Variants in TENM2 observed in about 807,000 individuals in gnomAD.
TENM2 encodes teneurin-2.
Under a neutral mutation model 245.2 loss-of-function variants are expected in TENM2, and 52 were observed. That is an observed-to-expected ratio of 0.21 (90% CI 0.17 to 0.27). The LOEUF is 0.27. Among genes scored for constraint, TENM2 ranks in the 10% least tolerant of loss-of-function variants. The pLI, the probability that TENM2 is intolerant of heterozygous loss-of-function variation, is 1.00. For missense variants in TENM2, 3,046 were observed against 3,666.8 expected (o/e 0.83, Z 4.37); for synonymous variants, 1,363 against 1,438.9 (o/e 0.95, Z 1.19).
At chr5:167,245,924 C>T in the TENM2 span, among the ~76,000 whole-genome samples, 4 of 152,108 alleles carry the variant, frequency 2.6e-5, no homozygotes, top group African/African-American at 9.7e-5. Context: ...AACTTCTACC[C>T]CTCCCACTAA....
chr5:168,078,824 T>G (rs1791712170), intron 7 of TENM2, among the ~76,000 whole-genome samples: 1 of 152,226 alleles, frequency 6.6e-6, no homozygotes, highest in Admixed American at 6.5e-5. Flanking sequence ...GCTGTTTTGA[T>G]TACTGTAGCC....
chr5:167,527,104 A>G (rs1272976209), intron 2 of TENM2, among the ~76,000 whole-genome samples: 2 of 152,082 alleles, frequency 1.3e-5, no homozygotes, highest in Non-Finnish European at 2.9e-5. Context: ...CTACTCACCT[A>G]TATCGCCATG....
intron 1 of TENM2, among the ~76,000 whole-genome samples, chr5:167,363,684 T>C (rs1162954875): frequency 7.7e-6 from 1 of 130,346 alleles, no homozygotes; most frequent in African/African-American, 2.9e-5. Context: ...TGAGACGAGA[T>C]TGGGCCATTG....
chr5:167,503,276 A>G (rs1233908854), intron 2 of TENM2, among the ~76,000 whole-genome samples: 1 of 152,220 alleles, frequency 6.6e-6, no homozygotes, highest in Non-Finnish European at 1.5e-5. Context: ...AAGCACATAA[A>G]GAAAAGCCAT....
At chr5:167,009,782 C>T in the TENM2 span, among the ~76,000 whole-genome samples, 1 of 152,072 alleles carries the variant, frequency 6.6e-6, no homozygotes, top group African/African-American at 2.4e-5. Flanking sequence ...TGCAATTGCA[C>T]TTCTGAAATG....
the TENM2 span, among the ~76,000 whole-genome samples, chr5:167,263,364 G>A: frequency 6.6e-6 from 1 of 152,000 alleles, no homozygotes; most frequent in Admixed American, 6.5e-5. Context: ...TTCACAGATA[G>A]TAAACAGAAT....
chr5:167,939,842 A>G (rs1779033464), intron 3 of TENM2, among the ~76,000 whole-genome samples: 1 of 152,226 alleles, frequency 6.6e-6, no homozygotes. Context: ...GTTGAGTCAG[A>G]AGCCTTTAGC....
intron 13 of TENM2, among the ~76,000 whole-genome samples, chr5:168,176,232 C>T (rs931342190): frequency 6.6e-6 from 1 of 152,212 alleles, no homozygotes; most frequent in Admixed American, 6.5e-5. Flanking sequence ...CTGCTCAAGC[C>T]TTGCCAGGGC....
intron 2 of TENM2, chr5:167,755,240 C>CAGTGAGGACAGGTG: frequency 1.1e-5 from 16 of 1,417,208 alleles, no homozygotes; most frequent in African/African-American, 1.4e-5. Flanking sequence ...AAGCACCTGT[C>CAGTGAGGACAGGTG]CTCACTGACA....
the TENM2 span, among the ~76,000 whole-genome samples, chr5:167,006,477 T>A: frequency 2.0e-5 from 3 of 152,298 alleles, no homozygotes; most frequent in South Asian, 4.1e-4. Context: ...AAGAAACTTT[T>A]AAAATCAGCC....
intron 4 of TENM2, among the ~76,000 whole-genome samples, chr5:167,974,757 T>G (rs1782308703): frequency 6.6e-6 from 1 of 152,170 alleles, no homozygotes; most frequent in South Asian, 2.1e-4. Flanking sequence ...AGTTTCCTTA[T>G]TAACCATCGC....
intron 4 of TENM2, among the ~76,000 whole-genome samples, chr5:167,979,592 A>G (rs2151962119): frequency 6.6e-6 from 1 of 152,328 alleles, no homozygotes; most frequent in South Asian, 2.1e-4. Flanking sequence ...GAGCATCCCT[A>G]TAGAAACTCT....
intron 1 of TENM2, among the ~76,000 whole-genome samples, chr5:167,339,975 C>T (rs1241886725): frequency 6.6e-6 from 1 of 152,120 alleles, no homozygotes; most frequent in Non-Finnish European, 1.5e-5. Flanking sequence ...TATAAATTAC[C>T]CAGGCTCAGG....
At chr5:167,266,028 A>C in the TENM2 span, among the ~76,000 whole-genome samples, 1 of 152,168 alleles carries the variant, frequency 6.6e-6, no homozygotes, top group Non-Finnish European at 1.5e-5. Flanking sequence ...ATACACAAGA[A>C]GTGCTTGTAA....
At chr5:167,782,791 G>C (rs1764286728) in intron 2 of TENM2, among the ~76,000 whole-genome samples, 1 of 152,162 alleles carries the variant, frequency 6.6e-6, no homozygotes, top group African/African-American at 2.4e-5. Flanking sequence ...GCTTAAAAGA[G>C]TGCTGGCAGG....
intron 22 of TENM2, 60 bp downstream of exon 24, chr5:168,216,982 T>C (rs1445692801): frequency 6.3e-6 from 10 of 1,580,124 alleles, no homozygotes; most frequent in Non-Finnish European, 8.6e-6. Flanking sequence ...CTGAGGTTCT[T>C]ACCTGTTTCC....
chr5:167,303,427 A>T (rs933830029), intron 1 of TENM2: 4 of 152,252 alleles, frequency 2.6e-5, no homozygotes, highest in Admixed American at 6.5e-5. Context: ...AAGGAAAATT[A>T]CAGTCAAAGG....
At chr5:167,314,970 T>C (rs546976566) in intron 1 of TENM2, among the ~76,000 whole-genome samples, 1 of 152,174 alleles carries the variant, frequency 6.6e-6, no homozygotes, top group South Asian at 2.1e-4. Context: ...ATCTTAAATG[T>C]TTTCCTTTTT....
intron 1 of TENM2, among the ~76,000 whole-genome samples, chr5:167,310,146 C>T (rs1422994309): frequency 6.6e-6 from 1 of 152,214 alleles, no homozygotes. Context: ...GAGATGTGAG[C>T]ACTGAGCAGT....
Sources: allele counts gnomAD v4.1 joint callset (sites outside exome capture counted in the v4.1 genomes callset), GRCh38; gene constraint gnomAD v4.1.1; transcripts MANE v1.5; gene names NCBI Gene and HGNC (gene_info 2026-07-23, HGNC 2026-07-21).